CALN1: variants seen among roughly 807,000 people sequenced by gnomAD.
CALN1 encodes the protein calcium-binding protein 8.
Under a neutral mutation model 30.6 loss-of-function variants are expected in CALN1, and 17 were observed. The ratio of observed to expected loss-of-function variants is 0.56; its 90% CI spans 0.38 to 0.83. The LOEUF (loss-of-function observed/expected upper bound fraction) is 0.83. Among genes scored for constraint, CALN1 ranks in the 40% least tolerant of loss-of-function variants. The pLI is 0.00. For missense variants in CALN1, 291 were observed against 354.9 expected, an observed-to-expected ratio of 0.82 and a Z score of 1.45; for synonymous variants, 156 against 131.4, an observed-to-expected ratio of 1.19 and a Z score of -1.28.
chr7:72,215,648 A>C (rs1348149471), intron 3 of CALN1, among the ~76,000 whole-genome samples: 1 of 151,754 alleles, frequency 6.6e-6, no homozygotes, highest in Non-Finnish European at 1.5e-5. Flanking sequence ...TCCCAATTTT[A>C]ATCATTTCAA....
At chr7:71,823,432 G>C (rs1218372166) in intron 5 of CALN1, among the ~76,000 whole-genome samples, 1 of 152,202 alleles carries the variant, frequency 6.6e-6, no homozygotes, top group African/African-American at 2.4e-5. Flanking sequence ...AAGAAACAGA[G>C]GCTTGGGCCG....
chr7:72,454,001 T>C, the CALN1 span, among the ~76,000 whole-genome samples: 3 of 151,472 alleles, frequency 2.0e-5, no homozygotes, highest in South Asian at 6.2e-4. Flanking sequence ...AAAATATATA[T>C]ATATATATAT....
intron 2 of CALN1, among the ~76,000 whole-genome samples, chr7:72,392,816 A>T (rs182527758): frequency 2.2e-3 from 313 of 141,052 alleles, no homozygotes; most frequent in Middle Eastern, 7.0e-3. Flanking sequence ...TGTTTAAATT[A>T]AAAAAGACCC....
At chr7:72,381,245 A>G (rs1804881426) in intron 2 of CALN1, among the ~76,000 whole-genome samples, 1 of 152,236 alleles carries the variant, frequency 6.6e-6, no homozygotes, top group Non-Finnish European at 1.5e-5. Context: ...GTGAGAGTGT[A>G]AATTAGTTCA....
intron 1 of CALN1, among the ~76,000 whole-genome samples, chr7:72,411,814 A>C (rs1246390846): frequency 6.6e-6 from 1 of 150,840 alleles, no homozygotes; most frequent in Non-Finnish European, 1.5e-5. Context: ...TAATAAGAAA[A>C]GAACCAAACA....
chr7:71,969,232 C>A (rs1048756552), intron 5 of CALN1, among the ~76,000 whole-genome samples: 1 of 151,976 alleles, frequency 6.6e-6, no homozygotes, highest in Non-Finnish European at 1.5e-5. Context: ...AGCCTGTGAA[C>A]CCTGTAACTA....
At chr7:72,013,933 T>C (rs994823089) in intron 5 of CALN1, among the ~76,000 whole-genome samples, 3 of 152,170 alleles carry the variant, frequency 2.0e-5, no homozygotes, top group Middle Eastern at 3.2e-3. Context: ...GGTTTGAACA[T>C]ATTTTAAATT....
chr7:72,414,772 T>C (rs559931821), upstream of CALN1, among the ~76,000 whole-genome samples: 6 of 152,304 alleles, frequency 3.9e-5, no homozygotes, highest in South Asian at 1.2e-3. Flanking sequence ...GTGACATGCT[T>C]GGATGGCCCA....
upstream of CALN1, among the ~76,000 whole-genome samples, chr7:72,416,734 CAAAAAAAAAAAAA>C (rs4029798): frequency 1.3e-4 from 10 of 77,690 alleles, no homozygotes; most frequent in Admixed American, 1.8e-4. Context: ...GACTCTGTCT[CAAAAAAAAAAAAA>C]AAAAAAAAAA....
At chr7:72,182,427 G>A (rs764088475) in intron 3 of CALN1, among the ~76,000 whole-genome samples, 3 of 152,122 alleles carry the variant, frequency 2.0e-5, no homozygotes, top group Non-Finnish European at 4.4e-5. Context: ...AAAGATGACT[G>A]AAATTCATTT....
chr7:72,179,360 A>C (rs1789591430), intron 3 of CALN1, among the ~76,000 whole-genome samples: 1 of 152,174 alleles, frequency 6.6e-6, no homozygotes, highest in Non-Finnish European at 1.5e-5. Flanking sequence ...ATCTTGACTT[A>C]GAGTAATGGC....
rs1230155382 is a variant in CALN1 at position 71,846,859 on chromosome 7, T to TATAC, written c.502-36368_502-36367insGTAT. ...CATGTGTATATATTATATATGTATA[T>TATAC]ATGTATGTATATATAATATATACAC... On this transcript the variant is annotated intron_variant, in intron 5 of 6. Transcript: ENST00000395275. Among the ~76,000 whole-genome samples, 5 of 137,938 alleles carry TATAC rather than the reference T, an allele frequency of 3.6e-5. No homozygotes were observed. The South Asian group carries it at 6.4e-4, about 18-fold the overall frequency. The allele number at this position is 137,938 out of a possible 152,430, so 90.5% of individuals were successfully genotyped here. A position where few individuals can be genotyped will look rare whatever the true frequency, so the allele number is the denominator to read the frequency against.
At chr7:72,295,069 G>C (rs1255876594) in intron 2 of CALN1, among the ~76,000 whole-genome samples, 1 of 152,022 alleles carries the variant, frequency 6.6e-6, no homozygotes, top group African/African-American at 2.4e-5. Flanking sequence ...GTGTATACTG[G>C]GCAGATGATG....
the CALN1 span, among the ~76,000 whole-genome samples, chr7:72,499,819 TTCCTTCC>T: frequency 1.8e-3 from 118 of 66,430 alleles, 16 homozygotes; most frequent in African/African-American, 8.8e-3. Context: ...CCTTCCTTCC[TTCCTTCC>T]TTCTTTCTTT....
At chr7:72,326,781 G>A (rs1431944461) in intron 2 of CALN1, among the ~76,000 whole-genome samples, 3 of 152,160 alleles carry the variant, frequency 2.0e-5, no homozygotes, top group Non-Finnish European at 4.4e-5. Context: ...CAATAACAAG[G>A]AGCCACAGCT....
intron 5 of CALN1, among the ~76,000 whole-genome samples, chr7:72,022,984 C>T (rs191533144): frequency 2.9e-4 from 43 of 149,428 alleles, no homozygotes; most frequent in Admixed American, 1.1e-3. Flanking sequence ...TGGCGTTTTA[C>T]GTGTCTAACT....
At position 71,867,371 on chromosome 7, in the gene CALN1, A is replaced by C. The variant is rs528099006; in HGVS notation, c.502-56879T>G. Among the ~76,000 whole-genome samples the C allele has an allele frequency of 2.0e-5, 3 of 152,188 alleles. No homozygotes were observed. In the South Asian group the frequency reaches 6.2e-4, roughly 32 times the overall value. Reference sequence around the variant, plus strand: ...CATCAACCCACCAGAATTTGACCACATGTAGGTTTGAATGCATTTGGTGGT... The same window carrying C: ...CATCAACCCACCAGAATTTGACCACCTGTAGGTTTGAATGCATTTGGTGGT... On this transcript the variant is annotated intron_variant, in intron 5 of 6. Coordinates refer to ENST00000395275, the MANE Select transcript of CALN1 (RefSeq NM_031468.4).
Position 72,160,707 on chromosome 7 carries a change from T to C in CALN1, c.245-54413A>G, listed in dbSNP as rs80344347. Among the ~76,000 whole-genome samples the C allele has an allele frequency of 2.0e-3, 308 of 152,316 alleles. 1 individual carries two copies. The highest frequency in any genetic ancestry group is 7.2e-3 in the African/African-American group (298 of 41,584). The stretch of plus-strand genomic sequence containing the variant: ...GGTTCATGAATTCAAAGCTCTGCTA[T>C]AGTAAGGAGCTACTTATTATCTCAG... On this transcript the variant is annotated intron_variant, in intron 3 of 6. Coordinates refer to ENST00000395275, the MANE Select transcript of CALN1 (RefSeq NM_031468.4).
chr7:72,175,778 C>A (rs985702576), intron 3 of CALN1, among the ~76,000 whole-genome samples: 2 of 152,058 alleles, frequency 1.3e-5, no homozygotes, highest in African/African-American at 4.8e-5. Context: ...TACTTCTCTT[C>A]TAACAACAAG....
Sources: gnomAD v4.1 joint callset for allele counts (sites outside exome capture counted in the v4.1 genomes callset) on GRCh38, gnomAD v4.1.1 for gene constraint, MANE v1.5 for transcripts, NCBI Gene and HGNC (gene_info 2026-07-23, HGNC 2026-07-21) for gene names.